ZC3H4: variants seen among roughly 807,000 people sequenced by gnomAD.
ZC3H4 encodes the protein zinc finger CCCH domain-containing protein 4.
Under a neutral mutation model 108.3 loss-of-function variants are expected in ZC3H4, and 13 were observed. The ratio of observed to expected loss-of-function variants is 0.12; its 90% CI spans 0.08 to 0.19. The LOEUF (loss-of-function observed/expected upper bound fraction) is 0.19. ZC3H4 is among the 10% of genes least tolerant of loss of function. The pLI is 1.00. For missense variants in ZC3H4, 1,734 were observed against 1,838.8 expected (o/e 0.94, Z 1.04); for synonymous variants, 917 against 749.6 (o/e 1.22, Z -3.65).
intron 5 of ZC3H4, 55 bp downstream of exon 5, chr19:47,089,912 G>A: frequency 1.3e-6 from 2 of 1,596,512 alleles, no homozygotes; most frequent in Non-Finnish European, 1.7e-6. Context: ...GGCCACCGGG[G>A]TTGGCCCGGG....
At chr19:47,095,399 ACACTGAG>A (rs1309792594) in intron 2 of ZC3H4, among the ~76,000 whole-genome samples, 1 of 152,178 alleles carries the variant, frequency 6.6e-6, no homozygotes, top group African/African-American at 2.4e-5. Flanking sequence ...AGGCAAGCAA[ACACTGAG>A]CAGCTGGAGG....
chr19:47,089,455 G>A (rs1362571132), intron 5 of ZC3H4, among the ~76,000 whole-genome samples: 1 of 152,172 alleles, frequency 6.6e-6, no homozygotes, highest in African/African-American at 2.4e-5. Flanking sequence ...GGGATTACAG[G>A]CATGGGCCAC....
chr19:47,084,016 A>G (rs2057569799), intron 9 of ZC3H4, among the ~76,000 whole-genome samples: 1 of 152,118 alleles, frequency 6.6e-6, no homozygotes, highest in Non-Finnish European at 1.5e-5. Flanking sequence ...CCTGAAGCTC[A>G]ATAACTTCAC....
At position 47,112,430 on chromosome 19, in the gene ZC3H4, T is replaced by C; in HGVS notation, c.155A>G (p.Asp52Gly). 2 of 1,234,870 alleles carry C rather than the reference T, an allele frequency of 1.6e-6. No homozygotes were observed. The highest frequency in any genetic ancestry group is 2.0e-6 in the Non-Finnish European group (2 of 987,444). The allele number at this position is 1,234,870 out of a possible 1,614,324, so 76.5% of individuals were successfully genotyped here. The change falls in exon 2 of 15, where the codon GAC becomes GGC. Residue 52 changes from aspartate (D) to glycine (G), a missense_variant. Transcript: ENST00000253048. ...HLLHHRLPLP[D>G]DREDGELEEG... is the part of the protein sequence containing the mutation. Reference sequence around the variant, plus strand: ...GCCCAACCGGGGGCCTGACCTGTCGTCAGGGAGCGGGAGGCGGTGGTGGAG... The same window carrying C: ...GCCCAACCGGGGGCCTGACCTGTCGCCAGGGAGCGGGAGGCGGTGGTGGAG...
At chr19:47,101,633 G>A (rs1400157615) in intron 2 of ZC3H4, among the ~76,000 whole-genome samples, 1 of 152,106 alleles carries the variant, frequency 6.6e-6, no homozygotes, top group African/African-American at 2.4e-5. Context: ...AGCACTTTGG[G>A]AGGCTGAGGC....
Position 47,094,021 on chromosome 19 carries a change from G to C in ZC3H4, c.441C>G (p.Pro147=). ...SDFSDDSDFS[P]SEKGHRKYRE... ...TGTACTTGCGGTGACCTTTCTCACTGGGGCTGAAATCCGAGTCATCTGAGA... is the reference window on the plus strand; with the variant it reads ...TGTACTTGCGGTGACCTTTCTCACTCGGGCTGAAATCCGAGTCATCTGAGA... Residue 147 remains proline, a synonymous_variant, in exon 4 of 15, where the codon CCC becomes CCG. Transcript: ENST00000253048. 6.2e-7 allele frequency: 1 copy of C among 1,614,156 alleles called. No individual in the cohort carries two copies. Among genetic ancestry groups the C allele is most frequent in the Non-Finnish European group, 8.5e-7 (1 of 1,180,036 alleles).
In ZC3H4 at chr19:47,072,005, A is replaced by G. The variant is rs1178445189; in HGVS notation, c.1919T>C (p.Met640Thr). ...PDMHPDMHPD[M>T]HPDMHADMHA... Reference sequence around the variant, plus strand: ...CATGTCTGCGTGCATGTCAGGGTGCATGTCCGGGTGCATGTCGGGGTGCAT... The same window carrying G: ...CATGTCTGCGTGCATGTCAGGGTGCGTGTCCGGGTGCATGTCGGGGTGCAT... Residue 640 changes from methionine (M) to threonine (T), a missense_variant, in exon 13 of 15, where the codon ATG becomes ACG. Coordinates refer to ENST00000253048, the MANE Select transcript of ZC3H4 (RefSeq NM_015168.2). This position sits in a 1 kb window ranked among gnomAD's most constrained non-coding sequence, Gnocchi z 5.6. 8 of 1,595,140 alleles carry G rather than the reference A, an allele frequency of 5.0e-6. No individual in the cohort carries two copies. Among genetic ancestry groups the G allele is most frequent in the African/African-American group, 1.3e-5 (1 of 74,658 alleles).
chr19:47,097,927 C>T (rs1476852743), intron 2 of ZC3H4, among the ~76,000 whole-genome samples: 3 of 152,198 alleles, frequency 2.0e-5, no homozygotes, highest in African/African-American at 7.2e-5. Context: ...CCAGAGCCCT[C>T]GGGAACAAGA....
At chr19:47,101,132 G>T (rs2057898532) in intron 2 of ZC3H4, among the ~76,000 whole-genome samples, 1 of 152,076 alleles carries the variant, frequency 6.6e-6, no homozygotes, top group South Asian at 2.1e-4. Context: ...TTGAGCCCTG[G>T]AATTTGAGAC....
At chr19:47,084,314 C>G (rs1454497758) in intron 9 of ZC3H4, 31 bp downstream of exon 9, 5 of 1,609,252 alleles carry the variant, frequency 3.1e-6, no homozygotes, top group Non-Finnish European at 4.3e-6. Context: ...CTATGGCCTC[C>G]TAGAGGTGCC....
chr19:47,112,732 G>A, intron 1 of ZC3H4, 143 bp from the exon 2 acceptor site: 1 of 451,050 alleles, frequency 2.2e-6, no homozygotes, highest in Non-Finnish European at 3.6e-6. Flanking sequence ...TGACCTCCGC[G>A]TAGGCCGCAC....
At chr19:47,076,977 A>C (rs2122776587) in intron 11 of ZC3H4, among the ~76,000 whole-genome samples, 1 of 152,074 alleles carries the variant, frequency 6.6e-6, no homozygotes, top group African/African-American at 2.4e-5. Context: ...TGGGTGACAG[A>C]GCAAGACTCC....
chr19:47,097,798 C>T (rs1276647840), intron 2 of ZC3H4, among the ~76,000 whole-genome samples: 2 of 152,154 alleles, frequency 1.3e-5, no homozygotes, highest in East Asian at 3.9e-4. Context: ...CTAGACCTGC[C>T]AAACTCTCTT....
At chr19:47,107,646 CGTTCT>C (rs2057983943) in intron 2 of ZC3H4, among the ~76,000 whole-genome samples, 1 of 148,606 alleles carries the variant, frequency 6.7e-6, no homozygotes, top group Non-Finnish European at 1.5e-5. Context: ...AATAATCCTG[CGTTCT>C]GTTAAGAAAA....
rs1351156759 is a variant in ZC3H4, at chr19:47,066,651, G to A, written c.3617C>T (p.Ala1206Val). 4 of 1,611,910 alleles carry A rather than the reference G, an allele frequency of 2.5e-6. No individual in the cohort carries two copies. In the Admixed American group the frequency reaches 5.0e-5, roughly 20 times the overall value. The change falls in exon 15 of 15, where the codon GCT (alanine) becomes GTT (valine). Residue 1206 changes from alanine to valine, a missense_variant. By Grantham distance (64) the Ala-to-Val change is moderately conservative. Transcript: ENST00000253048. The stretch of plus-strand genomic sequence containing the variant: ...TCTGTCCGTGGGGGTGCCCCCATCA[G>A]CACCGGCCTTCCCTGTCTCTGGCTG... ...LEQPETGKAGADGGTPTDRYN... is the reference protein window; with the variant it reads ...LEQPETGKAGVDGGTPTDRYN...
intron 10 of ZC3H4, among the ~76,000 whole-genome samples, chr19:47,081,862 T>G (rs1407798922): frequency 6.6e-6 from 1 of 152,142 alleles, no homozygotes; most frequent in Non-Finnish European, 1.5e-5. Context: ...CGTCCTCAGA[T>G]GGTCAACCAG....
intron 2 of ZC3H4, among the ~76,000 whole-genome samples, chr19:47,108,818 G>C (rs986574179): frequency 6.6e-6 from 1 of 152,090 alleles, no homozygotes. Flanking sequence ...CTGGGGGAGA[G>C]GACAGGCCAT....
intron 5 of ZC3H4, 129 bp from the exon 6 acceptor site, chr19:47,086,667 C>A: frequency 1.4e-6 from 2 of 1,425,112 alleles, no homozygotes; most frequent in South Asian, 1.6e-5. Flanking sequence ...TCCTCCTCCT[C>A]CTCCAAGAAG....
intron 1 of ZC3H4, among the ~76,000 whole-genome samples, chr19:47,112,896 G>T (rs1010867335): frequency 6.6e-6 from 1 of 152,154 alleles, no homozygotes; most frequent in African/African-American, 2.4e-5. Flanking sequence ...GACACTGGTG[G>T]GTGGTTGGGT....
Sources: allele counts gnomAD v4.1 joint callset (sites outside exome capture counted in the v4.1 genomes callset), GRCh38; gene constraint gnomAD v4.1.1; non-coding constraint Gnocchi (gnomAD v3.1); transcripts MANE v1.5; gene names NCBI Gene and HGNC (gene_info 2026-07-23, HGNC 2026-07-21).